Variants in TMEM114 observed in about 807,000 individuals in gnomAD.
TMEM114 encodes transmembrane protein 114.
In TMEM114, 6 loss-of-function variants were observed where a neutral mutation model predicts 6.2. The observed-to-expected ratio is 0.97, with a 90% CI of 0.53 to 1.91. The LOEUF (loss-of-function observed/expected upper bound fraction) is 1.91. Among genes scored for constraint, TMEM114 ranks in the 40% most tolerant of loss-of-function variants. The pLI, the probability that TMEM114 is intolerant of heterozygous loss-of-function variation, is 0.01. For missense variants in TMEM114, 218 were observed against 158.3 expected (o/e 1.38, Z -2.02); for synonymous variants, 104 against 73.0 (o/e 1.42, Z -2.16).
At chr16:8,531,314 C>T in the TMEM114 span, among the ~76,000 whole-genome samples, 1 of 152,132 alleles carries the variant, frequency 6.6e-6, no homozygotes, top group Non-Finnish European at 1.5e-5. Context: ...TTGCAAAATT[C>T]AATAATTTAG....
At chr16:8,537,363 C>T (rs1457617974), downstream of TMEM114, among the ~76,000 whole-genome samples, 1 of 151,614 alleles carries the variant, frequency 6.6e-6, no homozygotes, top group Non-Finnish European at 1.5e-5. Flanking sequence ...TAGCCAAGCG[C>T]GATGGCACAC....
Position 8,569,604 on chromosome 16 carries a change from A to T in TMEM114, c.*169T>A. 7.0e-7 allele frequency: 1 copy of T among 1,432,702 alleles called. No individual in the cohort carries two copies. The highest frequency in any genetic ancestry group is 1.4e-5 in the African/African-American group (1 of 69,774). 88.7% of individuals were successfully genotyped at this position (1,432,702 alleles called of 1,614,324 possible). ...CGGACATAAGCACACAGGTACTAGG[A>T]TAACAGCCAGGCCCCAAGCTTAGTC... On this transcript the variant is annotated 3_prime_UTR_variant, in exon 4 of 4. Transcript: ENST00000620492.
chr16:8,557,495 C>G (rs776420465), intron 2 of TMEM114, among the ~76,000 whole-genome samples: 11 of 152,178 alleles, frequency 7.2e-5, no homozygotes, highest in Non-Finnish European at 1.0e-4. Context: ...CCACAATCGC[C>G]CAGCTGAGTC....
intron 2 of TMEM114, among the ~76,000 whole-genome samples, chr16:8,543,530 A>G (rs941826568): frequency 6.6e-6 from 1 of 151,556 alleles, no homozygotes; most frequent in African/African-American, 2.4e-5. Flanking sequence ...TTGATGTTCT[A>G]TCTACTAGGA....
At chr16:8,548,694 G>GTATATA (rs141212101) in intron 2 of TMEM114, among the ~76,000 whole-genome samples, 6,005 of 139,914 alleles carry the variant, frequency 0.043, 412 homozygotes, top group East Asian at 0.14. Context: ...AAATTGCCAT[G>GTATATA]TATATATATA....
intron 2 of TMEM114, among the ~76,000 whole-genome samples, chr16:8,563,596 T>TGA (rs1901374104): frequency 2.1e-5 from 2 of 97,532 alleles, no homozygotes; most frequent in African/African-American, 8.0e-5. Context: ...TGAATGAGTG[T>TGA]GTGAATGAGT....
At position 8,583,810 on chromosome 16, in the gene TMEM114, G is replaced by T. The variant is rs142328341; in HGVS notation, c.301+5403C>A. Among the ~76,000 whole-genome samples, 261 of 151,298 alleles carry T rather than the reference G, an allele frequency of 1.7e-3. 2 individuals are homozygous for T. The highest frequency in any genetic ancestry group is 5.9e-3 in the African/African-American group (243 of 41,260). On this transcript the variant is annotated intron_variant, in intron 2 of 3. Coordinates refer to ENST00000620492, the MANE Select transcript of TMEM114 (RefSeq NM_001146336.2). The stretch of plus-strand genomic sequence containing the variant: ...GGGTTTGAACCCCAGTGATGTAGGC[G>T]CGTGTGGGTTTTGCCTGCCCCTACA...
In TMEM114 at chr16:8,570,077, C is replaced by T. The variant is rs1901681042; in HGVS notation, c.440-72G>A. 2.0e-6 allele frequency: 3 copies of T among 1,493,002 alleles called. No individual in the cohort carries two copies. The African/African-American group carries it at 4.2e-5, about 21-fold the overall frequency. 92.5% of individuals were successfully genotyped at this position (1,493,002 alleles called of 1,614,324 possible). On this transcript the variant is annotated intron_variant, in intron 3 of 3. Transcript: ENST00000620492. ...CAGCACTCCCCTCCTCCTCCTCGCC[C>T]TGCCCAGCCACGCTGCTCAGCGTCC... is the stretch of plus-strand genomic sequence containing the variant.
chr16:8,580,652 A>G (rs757197295), intron 2 of TMEM114, among the ~76,000 whole-genome samples: 5 of 152,092 alleles, frequency 3.3e-5, no homozygotes, highest in Non-Finnish European at 5.9e-5. Context: ...ATATATTCAC[A>G]TATTCCTCAA....
At chr16:8,555,812 A>G (rs1900991562) in intron 2 of TMEM114, among the ~76,000 whole-genome samples, 1 of 152,222 alleles carries the variant, frequency 6.6e-6, no homozygotes, top group African/African-American at 2.4e-5. Context: ...GGATTCTGCC[A>G]AACAGCCTAC....
chr16:8,552,740 G>C (rs9928649), intron 2 of TMEM114, among the ~76,000 whole-genome samples: 48,664 of 149,296 alleles, frequency 0.33, 8,170 homozygotes, highest in African/African-American at 0.4. Flanking sequence ...TGTGCTCTAA[G>C]GTCCTACCTG....
the TMEM114 span, among the ~76,000 whole-genome samples, chr16:8,528,341 CCCATT>C: frequency 6.6e-6 from 1 of 152,196 alleles, no homozygotes; most frequent in East Asian, 1.9e-4. Flanking sequence ...ACCCCACTCT[CCCATT>C]CTGCTGCAGA....
At chr16:8,571,576 T>A (rs1901732732) in intron 3 of TMEM114, among the ~76,000 whole-genome samples, 1 of 151,072 alleles carries the variant, frequency 6.6e-6, no homozygotes, top group Admixed American at 6.6e-5. Flanking sequence ...GACCAACATC[T>A]CCCCACCCTC....
chr16:8,566,607 C>A (rs1414125699), downstream of TMEM114, among the ~76,000 whole-genome samples: 1 of 152,186 alleles, frequency 6.6e-6, no homozygotes, highest in Non-Finnish European at 1.5e-5. Context: ...TAATCATCAG[C>A]ACCTCCTTAC....
At chr16:8,557,078 T>G (rs2141664670) in intron 2 of TMEM114, among the ~76,000 whole-genome samples, 1 of 152,260 alleles carries the variant, frequency 6.6e-6, no homozygotes, top group East Asian at 1.9e-4. Flanking sequence ...GGTAGCAGAT[T>G]GTACTTTCTA....
chr16:8,564,221 GT>G (rs1901426896), intron 2 of TMEM114, among the ~76,000 whole-genome samples: 2 of 15,474 alleles, frequency 1.3e-4, no homozygotes, highest in South Asian at 3.4e-3. Context: ...GAGTGAGTTA[GT>G]GAATGAGTGA....
intron 2 of TMEM114, among the ~76,000 whole-genome samples, chr16:8,547,314 C>T (rs1028818408): frequency 6.6e-6 from 1 of 152,082 alleles, no homozygotes; most frequent in Non-Finnish European, 1.5e-5. Context: ...CAGATTTTGT[C>T]TCCGTGGAGG....
At chr16:8,534,810 C>T (rs1440640226), downstream of TMEM114, among the ~76,000 whole-genome samples, 2 of 152,216 alleles carry the variant, frequency 1.3e-5, no homozygotes, top group Non-Finnish European at 2.9e-5. Flanking sequence ...CTCCTAGATA[C>T]TGGCTGTGGG....
chr16:8,585,075 T>G (rs543562631), intron 2 of TMEM114, among the ~76,000 whole-genome samples: 4 of 152,052 alleles, frequency 2.6e-5, no homozygotes, highest in Admixed American at 1.3e-4. Flanking sequence ...TGAAGGTGAA[T>G]GAGGAGCAAA....
Sources: allele counts gnomAD v4.1 joint callset (sites outside exome capture counted in the v4.1 genomes callset), GRCh38; gene constraint gnomAD v4.1.1; transcripts MANE v1.5; gene names NCBI Gene and HGNC (gene_info 2026-07-23, HGNC 2026-07-21).